The following HSPA4L variants were observed in gnomAD, a reference collection of about 807,000 sequenced individuals.
The protein encoded by HSPA4L is heat shock protein family A (Hsp70) member 4 like, also known as heat shock 70 kDa protein 4L.
In HSPA4L, 48 loss-of-function variants were observed where a neutral mutation model predicts 100.3. The ratio of observed to expected loss-of-function variants is 0.48; its 90% CI spans 0.38 to 0.61. The LOEUF (loss-of-function observed/expected upper bound fraction) is 0.61. Among genes scored for constraint, HSPA4L ranks in the 20% least tolerant of loss-of-function variants. HSPA4L has a pLI of 0.00. For synonymous variants in HSPA4L, 319 were observed against 328.2 expected (o/e 0.97, Z 0.30); for missense variants, 886 against 988.6 (o/e 0.90, Z 1.39).
At chr4:127,813,655 T>G (rs1733600811) in intron 12 of HSPA4L, among the ~76,000 whole-genome samples, 1 of 152,232 alleles carries the variant, frequency 6.6e-6, no homozygotes, top group South Asian at 2.1e-4. Context: ...TTTTTGTTGT[T>G]GTTGTTTGAG....
intron 4 of HSPA4L, among the ~76,000 whole-genome samples, chr4:127,799,461 T>C (rs1733114784): frequency 6.6e-6 from 1 of 152,190 alleles, no homozygotes; most frequent in East Asian, 1.9e-4. Context: ...GGGATATTAT[T>C]AACCCTAGTT....
intron 11 of HSPA4L, 24 bp from the exon 12 acceptor site, chr4:127,811,413 G>T (rs1733525172): frequency 1.3e-6 from 2 of 1,573,846 alleles, no homozygotes; most frequent in Admixed American, 1.7e-5. Context: ...CTCACATACT[G>T]ATTGGAGTTC....
At position 127,832,732 on chromosome 4, in the gene HSPA4L, C is replaced by T. The variant is rs867939995; in HGVS notation, c.2378C>T (p.Ala793Val). 1 of 1,612,872 alleles carries T rather than the reference C, an allele frequency of 6.2e-7. No individual in the cohort carries two copies. Among genetic ancestry groups the T allele is most frequent in the East Asian group, 2.2e-5 (1 of 44,826 alleles). The part of the protein sequence containing the change: ...NPIIYKPKPK[A>V]EVPEDKPKAN... ...ATCATTTACAAGCCCAAACCAAAAG[C>T]AGAAGTTCCTGAAGACAAACCAAAA... The change falls in exon 19 of 19, where the codon GCA (alanine) becomes GTA (valine). Residue 793 changes from alanine to valine, a missense_variant. Transcript: ENST00000296464.
intron 14 of HSPA4L, among the ~76,000 whole-genome samples, chr4:127,822,332 G>T (rs117306709): frequency 1.8e-4 from 28 of 152,220 alleles, no homozygotes; most frequent in Middle Eastern, 3.4e-3. Context: ...GTTTCAGCAC[G>T]TATCATAACT....
chr4:127,782,484 C>A lies in HSPA4L; in HGVS notation c.-67C>A. 1 of 1,321,168 alleles carries A rather than the reference C, an allele frequency of 7.6e-7. No individual in the cohort carries two copies. The highest frequency in any genetic ancestry group is 1.1e-6 in the Non-Finnish European group (1 of 917,890). 81.8% of individuals were successfully genotyped at this position (1,321,168 alleles called of 1,614,324 possible). The stretch of plus-strand genomic sequence containing the variant: ...GGAGTCGCAATCCCAGCAGCAATAG[C>A]CCAGAAGAGGACACGGTTCCCGTAC... On this transcript the variant is annotated 5_prime_UTR_variant, in exon 1 of 19. Coordinates refer to ENST00000296464, the MANE Select transcript of HSPA4L (RefSeq NM_014278.4).
chr4:127,824,202 C>T (rs7684368), intron 16 of HSPA4L, among the ~76,000 whole-genome samples: 87,430 of 152,062 alleles, frequency 0.57, 26,125 homozygotes, highest in Middle Eastern at 0.81. Flanking sequence ...AATAGTATTC[C>T]GTTGTATATG....
At chr4:127,820,388 G>A (rs377131758) in intron 13 of HSPA4L, 40 bp from the exon 14 acceptor site, 10 of 1,531,406 alleles carry the variant, frequency 6.5e-6, no homozygotes, top group Non-Finnish European at 7.9e-6. Context: ...CTATTTTTAA[G>A]CTAATTTTAG....
chr4:127,785,357 T>G (rs1732686542), intron 1 of HSPA4L, among the ~76,000 whole-genome samples: 1 of 152,188 alleles, frequency 6.6e-6, no homozygotes, highest in Non-Finnish European at 1.5e-5. Flanking sequence ...AATTAAAAAT[T>G]TAATTCCTCC....
intron 15 of HSPA4L, 51 bp downstream of exon 15, chr4:127,822,945 C>A: frequency 6.5e-7 from 1 of 1,536,358 alleles, no homozygotes. Flanking sequence ...AAGGTTTACT[C>A]GAGAATGCTA....
At chr4:127,822,628 T>G in intron 14 of HSPA4L, 141 bp from the exon 15 acceptor site, 2 of 772,862 alleles carry the variant, frequency 2.6e-6, no homozygotes, top group Non-Finnish European at 3.9e-6. Context: ...GTACAAGGGT[T>G]TCACTTTCTC....
chr4:127,796,012 A>G (rs1176441614), intron 3 of HSPA4L, 104 bp downstream of exon 3: 2 of 971,720 alleles, frequency 2.1e-6, no homozygotes, highest in Non-Finnish European at 3.0e-6. Flanking sequence ...TAGATACAGT[A>G]CATACACACC....
Position 127,838,362 on chromosome 4 carries a change from T to G in HSPA4L, c.*5488T>G, listed in dbSNP as rs1734258943. 1 of 152,188 alleles carries G rather than the reference T, an allele frequency of 6.6e-6. No homozygotes were observed. The highest frequency in any genetic ancestry group is 1.5e-5 in the Non-Finnish European group (1 of 68,036). The allele number at this position is 152,188 out of a possible 1,614,324, so 9.4% of individuals were successfully genotyped here. ...CCCTAAAGATACTTCCAACATATTG[T>G]TAGAGTAAGTATTAAAAGAAAAAGT... On this transcript the variant is annotated 3_prime_UTR_variant, in exon 19 of 19. Transcript: ENST00000296464.
chr4:127,817,089 A>G (rs1733688037), intron 12 of HSPA4L, among the ~76,000 whole-genome samples: 1 of 152,150 alleles, frequency 6.6e-6, no homozygotes, highest in Non-Finnish European at 1.5e-5. Context: ...AATTTGAGAC[A>G]GAGTCTTGCT....
rs751167740 is a variant in HSPA4L at position 127,804,070 on chromosome 4, C to G, written c.968C>G (p.Ala323Gly). The change falls in exon 8 of 19, where the codon GCA (alanine) becomes GGA (glycine). Residue 323 changes from alanine to glycine, a missense_variant. Transcript: ENST00000296464. ...GCCAGGGTTGAACCACCTTTAAAAG[C>G]AGTAATGGAACAAGCTAGTAAGTGG... ...LLARVEPPLK[A>G]VMEQANLQRE... 2 of 1,613,772 alleles carry G rather than the reference C, an allele frequency of 1.2e-6. No homozygotes were observed. Among genetic ancestry groups the G allele is most frequent in the Non-Finnish European group, 1.7e-6 (2 of 1,179,794 alleles).
intron 14 of HSPA4L, among the ~76,000 whole-genome samples, chr4:127,822,313 A>G (rs1733834807): frequency 1.3e-5 from 2 of 152,216 alleles, no homozygotes; most frequent in Non-Finnish European, 2.9e-5. Flanking sequence ...AATGACTTCA[A>G]GATTCCTTGT....
chr4:127,797,939 A>G (rs540190046), intron 3 of HSPA4L, among the ~76,000 whole-genome samples: 2 of 152,236 alleles, frequency 1.3e-5, no homozygotes, highest in African/African-American at 4.8e-5. Flanking sequence ...GATTAAGACT[A>G]TGATTCATTT....
chr4:127,819,092 A>G (rs1387890638), intron 13 of HSPA4L, among the ~76,000 whole-genome samples: 1 of 152,214 alleles, frequency 6.6e-6, no homozygotes, highest in Admixed American at 6.5e-5. Flanking sequence ...TGAGGAAAAC[A>G]TGTTAGCTGT....
Position 127,833,541 on chromosome 4 carries a change from C to G in HSPA4L, c.*667C>G, listed in dbSNP as rs979588104. 1 of 152,122 alleles carries G rather than the reference C, an allele frequency of 6.6e-6. No homozygotes were observed. Among genetic ancestry groups the G allele is most frequent in the Non-Finnish European group, 1.5e-5 (1 of 67,998 alleles). The allele number at this position is 152,122 out of a possible 1,614,324, so 9.4% of individuals were successfully genotyped here. On this transcript the variant is annotated 3_prime_UTR_variant, in exon 19 of 19. Transcript: ENST00000296464. Reference sequence around the variant, plus strand: ...GGATTGATGTTTTCTCAGAGTAACTCGTTGTCTTTTCGCTTGAAATTTTTG... The same window carrying G: ...GGATTGATGTTTTCTCAGAGTAACTGGTTGTCTTTTCGCTTGAAATTTTTG...
intron 1 of HSPA4L, among the ~76,000 whole-genome samples, chr4:127,784,117 T>C (rs1388924824): frequency 6.6e-6 from 1 of 152,250 alleles, no homozygotes; most frequent in Non-Finnish European, 1.5e-5. Flanking sequence ...CAACAAATAC[T>C]GGCTTTCGCC....
Sources: allele counts gnomAD v4.1 joint callset (sites outside exome capture counted in the v4.1 genomes callset), GRCh38; gene constraint gnomAD v4.1.1; transcripts MANE v1.5; gene names NCBI Gene and HGNC (gene_info 2026-07-23, HGNC 2026-07-21).